PHKB: variants seen among roughly 807,000 people sequenced by gnomAD.
The protein encoded by PHKB is phosphorylase kinase regulatory subunit beta.
PHKB carries 122 observed loss-of-function variants against 152.1 expected under a neutral mutation model. The observed-to-expected ratio is 0.80, with a 90% CI of 0.69 to 0.93. PHKB has a LOEUF of 0.93. Among genes scored for constraint, PHKB ranks in the 40% least tolerant of loss-of-function variants. The pLI, the probability that PHKB is intolerant of heterozygous loss-of-function variation, is 0.00. For missense variants in PHKB, 1,304 were observed against 1,328.4 expected (o/e 0.98, Z 0.29); for synonymous variants, 436 against 464.9 (o/e 0.94, Z 0.80).
At chr16:47,564,627 T>G (rs1971534162) in intron 7 of PHKB, among the ~76,000 whole-genome samples, 1 of 152,188 alleles carries the variant, frequency 6.6e-6, no homozygotes. Flanking sequence ...ATTTACAGGT[T>G]TTTGTTACAT....
chr16:47,540,821 T>G (rs1416250518), intron 6 of PHKB, among the ~76,000 whole-genome samples: 3 of 10,978 alleles, frequency 2.7e-4, no homozygotes, highest in Admixed American at 1.6e-3. Context: ...AATGTCCTGT[T>G]TTTTTTTTTT....
intron 9 of PHKB, 89 bp from the exon 10 acceptor site, chr16:47,588,816 C>T (rs1971978561): frequency 6.3e-6 from 7 of 1,116,872 alleles, no homozygotes; most frequent in East Asian, 2.3e-5. Context: ...TGCATAACCT[C>T]ACTGGCTTTT....
Position 47,662,808 on chromosome 16 carries a change from G to C in PHKB, c.2279-869G>C, listed in dbSNP as rs1973466754. Among the ~76,000 whole-genome samples the C allele has an allele frequency of 2.0e-5, 3 of 152,108 alleles. No homozygotes were observed. In the South Asian group the frequency reaches 6.2e-4, roughly 31 times the overall value. ...TGAAATTTGCACTTTATCTAAAACA[G>C]TAGGATTTTTAAAAATCAAACATTT... is the stretch of plus-strand genomic sequence containing the variant. On this transcript the variant is annotated intron_variant, in intron 23 of 30. Transcript: ENST00000323584.
At chr16:47,617,437 A>G (rs2151712848) in intron 14 of PHKB, among the ~76,000 whole-genome samples, 1 of 151,068 alleles carries the variant, frequency 6.6e-6, no homozygotes, top group Non-Finnish European at 1.5e-5. Context: ...TTAAGCAGTG[A>G]CCCTCTTTCT....
chr16:47,666,472 C>T (rs572430802), intron 25 of PHKB, among the ~76,000 whole-genome samples: 7 of 152,334 alleles, frequency 4.6e-5, no homozygotes, highest in Non-Finnish European at 1.0e-4. Context: ...TCCCCAGATC[C>T]CCTGCCCCAG....
chr16:47,493,019 AGCT>A, intron 1 of PHKB, among the ~76,000 whole-genome samples: 1 of 152,358 alleles, frequency 6.6e-6, no homozygotes, highest in African/African-American at 2.4e-5. Context: ...AAGTCTTGCT[AGCT>A]GGCTTCCGCC....
At chr16:47,679,336 A>C (rs530523218) in intron 26 of PHKB, among the ~76,000 whole-genome samples, 2 of 152,174 alleles carry the variant, frequency 1.3e-5, no homozygotes, top group Non-Finnish European at 2.9e-5. Flanking sequence ...TGGGGATGAC[A>C]TTGAATCTAT....
intron 13 of PHKB, among the ~76,000 whole-genome samples, chr16:47,609,553 TTGTGTGTG>T (rs144647746): frequency 2.6e-4 from 37 of 143,734 alleles, no homozygotes; most frequent in Admixed American, 6.2e-4. Context: ...GTGTGTGTGT[TTGTGTGTG>T]TGTGTGTGTG....
chr16:47,506,673 G>C (rs1970425137), intron 4 of PHKB, among the ~76,000 whole-genome samples: 1 of 152,144 alleles, frequency 6.6e-6, no homozygotes, highest in African/African-American at 2.4e-5. Context: ...TGACAAAGTA[G>C]AATTATCAGA....
At chr16:47,609,449 G>C (rs912447106) in intron 13 of PHKB, among the ~76,000 whole-genome samples, 1 of 110,278 alleles carries the variant, frequency 9.1e-6, no homozygotes, top group Non-Finnish European at 1.8e-5. Context: ...GTGGGGGGGG[G>C]GCACAGTTTG....
intron 29 of PHKB, 107 bp from the exon 30 acceptor site, chr16:47,698,341 C>CT: frequency 1.1e-6 from 1 of 870,756 alleles, no homozygotes; most frequent in Admixed American, 1.7e-5. Context: ...CCTTGAGCCC[C>CT]TCATCATATA....
At chr16:47,634,071 T>G (rs1972874193) in intron 14 of PHKB, among the ~76,000 whole-genome samples, 1 of 152,210 alleles carries the variant, frequency 6.6e-6, no homozygotes, top group African/African-American at 2.4e-5. Context: ...CTAATTTTTT[T>G]TGGACACTTA....
intron 20 of PHKB, among the ~76,000 whole-genome samples, chr16:47,658,346 A>G (rs531912331): frequency 6.6e-5 from 10 of 152,236 alleles, no homozygotes; most frequent in African/African-American, 2.4e-4. Flanking sequence ...CTGATCAGCT[A>G]TATGAAATGG....
intron 20 of PHKB, among the ~76,000 whole-genome samples, chr16:47,657,983 A>G (rs1363466712): frequency 1.3e-5 from 2 of 152,178 alleles, no homozygotes; most frequent in Non-Finnish European, 2.9e-5. Context: ...TCCAACTAAT[A>G]AAACAGTCTG....
chr16:47,574,565 G>A (rs957248649), intron 7 of PHKB, among the ~76,000 whole-genome samples: 7 of 152,194 alleles, frequency 4.6e-5, no homozygotes, highest in Admixed American at 1.3e-4. Flanking sequence ...AAGAAAAGAG[G>A]TTTATTTGGC....
rs1974100700 is a variant in PHKB, at chr16:47,693,587, CTT to C, written c.2895+83_2895+84del. 22 of 1,400,800 alleles carry C rather than the reference CTT, an allele frequency of 1.6e-5. No homozygotes were observed. In the South Asian group the frequency reaches 2.6e-4, roughly 16 times the overall value. 86.8% of individuals were successfully genotyped at this position (1,400,800 alleles called of 1,614,324 possible). On this transcript the variant is annotated intron_variant, in intron 28 of 30. Coordinates refer to ENST00000323584, the MANE Select transcript of PHKB (RefSeq NM_000293.3). ...TCCTTTCCTCTTGCACTGCAAATAA[CTT>C]TTCTCCTTTTCAGCGTTCTAAGAGT... is the stretch of plus-strand genomic sequence containing the variant.
At chr16:47,532,976 C>CT (rs1431645246) in intron 6 of PHKB, among the ~76,000 whole-genome samples, 1 of 152,196 alleles carries the variant, frequency 6.6e-6, no homozygotes, top group Non-Finnish European at 1.5e-5. Context: ...CAGTGGGTAG[C>CT]TTCTTTCTGC....
At chr16:47,648,469 C>G in intron 16 of PHKB, 64 bp from the exon 17 acceptor site, 1 of 1,103,184 alleles carries the variant, frequency 9.1e-7, no homozygotes, top group Non-Finnish European at 1.4e-6. Flanking sequence ...CAGGACAATA[C>G]TCAGGGGTGA....
intron 1 of PHKB, among the ~76,000 whole-genome samples, chr16:47,467,966 A>G (rs1969697820): frequency 2.0e-5 from 3 of 151,536 alleles, no homozygotes; most frequent in South Asian, 4.2e-4. Flanking sequence ...ACAAAACAGA[A>G]CTCTTATTTT....
Sources: gnomAD v4.1 joint callset for allele counts (sites outside exome capture counted in the v4.1 genomes callset) on GRCh38, gnomAD v4.1.1 for gene constraint, MANE v1.5 for transcripts, NCBI Gene and HGNC (gene_info 2026-07-23, HGNC 2026-07-21) for gene names.